TRAPPC9: variants seen among roughly 807,000 people sequenced by gnomAD.
The protein encoded by TRAPPC9 is IKK2 binding protein.
A neutral mutation model predicts 124.0 loss-of-function variants in TRAPPC9; 83 were observed. The ratio of observed to expected loss-of-function variants is 0.67; its 90% CI spans 0.56 to 0.80. TRAPPC9 has a LOEUF of 0.80. TRAPPC9 is among the 30% of genes least tolerant of loss of function. TRAPPC9 has a pLI of 0.00. For synonymous variants in TRAPPC9, 638 were observed against 617.5 expected (o/e 1.03, Z -0.49); for missense variants, 1,302 against 1,508.3 (o/e 0.86, Z 2.27).
intron 9 of TRAPPC9, among the ~76,000 whole-genome samples, chr8:140,318,421 A>C (rs2066496808): frequency 6.6e-6 from 1 of 152,146 alleles, no homozygotes; most frequent in Non-Finnish European, 1.5e-5. Context: ...AATGTACAGC[A>C]CTCAACTCTT....
intron 18 of TRAPPC9, among the ~76,000 whole-genome samples, chr8:139,990,238 G>A (rs886669016): frequency 2.5e-4 from 38 of 152,290 alleles, no homozygotes; most frequent in South Asian, 8.3e-4. Context: ...GGGGTAGTCC[G>A]TGGAGCCCCC....
intron 18 of TRAPPC9, among the ~76,000 whole-genome samples, chr8:140,009,449 A>C (rs1338600349): frequency 1.3e-5 from 2 of 152,234 alleles, no homozygotes; most frequent in East Asian, 3.8e-4. Context: ...TATACTTTGT[A>C]CTTATTAATT....
chr8:139,932,693 G>A (rs1833261881), intron 19 of TRAPPC9: 3 of 375,732 alleles, frequency 8.0e-6, no homozygotes, highest in Admixed American at 3.2e-5. Context: ...GAACCCCAGA[G>A]GTGGAGGTTG....
At chr8:140,111,096 A>T (rs886760666) in intron 17 of TRAPPC9, among the ~76,000 whole-genome samples, 1 of 149,166 alleles carries the variant, frequency 6.7e-6, no homozygotes, top group African/African-American at 2.5e-5. Context: ...TTCACCACCC[A>T]GGTCCTTGGA....
intron 14 of TRAPPC9, among the ~76,000 whole-genome samples, chr8:140,277,797 TAGG>T (rs1392833640): frequency 6.6e-6 from 1 of 152,204 alleles, no homozygotes; most frequent in Non-Finnish European, 1.5e-5. Context: ...TCCAGTCTCC[TAGG>T]AGGAGATGAG....
chr8:140,289,599 AT>A (rs1310621668), intron 12 of TRAPPC9, among the ~76,000 whole-genome samples: 3 of 151,854 alleles, frequency 2.0e-5, no homozygotes, highest in African/African-American at 7.3e-5. Context: ...GGTGCTTTTT[AT>A]TTTGTTCCCT....
At chr8:140,025,174 G>A (rs559809037) in intron 17 of TRAPPC9, among the ~76,000 whole-genome samples, 1 of 152,274 alleles carries the variant, frequency 6.6e-6, no homozygotes, top group African/African-American at 2.4e-5. Context: ...TGGAGCCTGG[G>A]GGCACCCAGA....
intron 17 of TRAPPC9, among the ~76,000 whole-genome samples, chr8:140,072,213 T>C (rs896704132): frequency 1.3e-5 from 2 of 152,152 alleles, no homozygotes; most frequent in South Asian, 4.1e-4. Flanking sequence ...GCATGTAAAT[T>C]ATATTTCAAT....
intron 17 of TRAPPC9, among the ~76,000 whole-genome samples, chr8:140,171,868 A>G (rs913749585): frequency 1.3e-5 from 2 of 152,240 alleles, no homozygotes; most frequent in African/African-American, 4.8e-5. Flanking sequence ...GGCACTGTGC[A>G]GGAATCACCG....
At chr8:140,349,031 G>C (rs2067438200) in intron 9 of TRAPPC9, among the ~76,000 whole-genome samples, 1 of 150,082 alleles carries the variant, frequency 6.7e-6, no homozygotes, top group South Asian at 2.1e-4. Flanking sequence ...GGAAACTGGT[G>C]ACCTTGGCAA....
At chr8:140,326,794 T>C (rs528440356) in intron 9 of TRAPPC9, among the ~76,000 whole-genome samples, 4 of 152,080 alleles carry the variant, frequency 2.6e-5, no homozygotes, top group Admixed American at 6.6e-5. Flanking sequence ...GGTGGGAGGA[T>C]CACTTGAGCC....
intron 10 of TRAPPC9, among the ~76,000 whole-genome samples, chr8:140,309,227 C>T (rs1394202934): frequency 6.6e-6 from 1 of 152,258 alleles, no homozygotes; most frequent in Non-Finnish European, 1.5e-5. Flanking sequence ...ATGTACTGAG[C>T]GCTTCCTAGG....
At chr8:140,200,108 C>CA (rs1388061238) in intron 17 of TRAPPC9, among the ~76,000 whole-genome samples, 1 of 152,150 alleles carries the variant, frequency 6.6e-6, no homozygotes, top group Non-Finnish European at 1.5e-5. Flanking sequence ...CCTAGTTTCT[C>CA]ACGGCCGGAG....
At chr8:139,839,505 C>G (rs1406816944) in intron 21 of TRAPPC9, among the ~76,000 whole-genome samples, 3 of 152,140 alleles carry the variant, frequency 2.0e-5, no homozygotes, top group Non-Finnish European at 4.4e-5. Flanking sequence ...ATGGCGGGCT[C>G]AAGAAAGGTT....
chr8:139,799,121 T>A (rs1162564331), intron 21 of TRAPPC9, among the ~76,000 whole-genome samples: 2 of 152,176 alleles, frequency 1.3e-5, no homozygotes. Flanking sequence ...TTGTAATCCC[T>A]AATGCTGGAG....
chr8:139,828,219 G>A (rs542670481), intron 21 of TRAPPC9, among the ~76,000 whole-genome samples: 37 of 152,248 alleles, frequency 2.4e-4, no homozygotes, highest in African/African-American at 7.9e-4. Flanking sequence ...CCCACATGAC[G>A]CCTGTCTGCT....
chr8:140,284,150 C>T (rs2065415466), intron 13 of TRAPPC9, 129 bp from the exon 14 acceptor site: 3 of 1,209,732 alleles, frequency 2.5e-6, no homozygotes, highest in African/African-American at 1.5e-5. Flanking sequence ...CCGGGGCCCG[C>T]CGGCGCTCAC....
intron 17 of TRAPPC9, among the ~76,000 whole-genome samples, chr8:140,173,552 T>TC (rs200169912): frequency 0.38 from 43,840 of 116,096 alleles, 7,110 homozygotes; most frequent in East Asian, 0.5. Flanking sequence ...AGACTCTGTC[T>TC]CAAAAAAAAA....
In TRAPPC9 at chr8:140,275,472, C is replaced by T. The variant is rs117476549; in HGVS notation, c.2278+186G>A. Among the ~76,000 whole-genome samples the T allele has an allele frequency of 2.6e-3, 398 of 152,314 alleles. 1 individual carries two copies. The highest frequency in any genetic ancestry group is 4.0e-3 in the Non-Finnish European group (270 of 68,030). On this transcript the variant is annotated intron_variant, in intron 15 of 22. Transcript: ENST00000438773. Reference sequence around the variant, plus strand: ...AACTGGTTTCCCACTGTCATGATGGCACCAAGCCTCCCCAAGGCTCCTGCA... The same window carrying T: ...AACTGGTTTCCCACTGTCATGATGGTACCAAGCCTCCCCAAGGCTCCTGCA...
Sources: gnomAD v4.1 joint callset for allele counts (sites outside exome capture counted in the v4.1 genomes callset) on GRCh38, gnomAD v4.1.1 for gene constraint, MANE v1.5 for transcripts, NCBI Gene and HGNC (gene_info 2026-07-23, HGNC 2026-07-21) for gene names.